GRIK3: variants seen among roughly 807,000 people sequenced by gnomAD.
The protein encoded by GRIK3 is glutamate receptor ionotropic, kainate 3.
A neutral mutation model predicts 102.5 loss-of-function variants in GRIK3; 29 were observed. That is an observed-to-expected ratio of 0.28 (90% CI 0.21 to 0.39). GRIK3 has a LOEUF of 0.39. GRIK3 is among the 10% of genes least tolerant of loss of function. The pLI, the probability that GRIK3 is intolerant of heterozygous loss-of-function variation, is 1.00. For missense variants in GRIK3, 908 were observed against 1,252.4 expected, an observed-to-expected ratio of 0.73 and a Z score of 4.15; for synonymous variants, 511 against 504.9, an observed-to-expected ratio of 1.01 and a Z score of -0.16.
intron 1 of GRIK3, among the ~76,000 whole-genome samples, chr1:37,020,067 C>T (rs1642693686): frequency 6.6e-6 from 1 of 152,230 alleles, no homozygotes; most frequent in Non-Finnish European, 1.5e-5. Context: ...TAACACTCTT[C>T]ACCTTCTCTG....
chr1:36,990,298 ATC>A (rs1243933922), intron 1 of GRIK3, among the ~76,000 whole-genome samples: 1 of 152,178 alleles, frequency 6.6e-6, no homozygotes, highest in Non-Finnish European at 1.5e-5. Flanking sequence ...ATCCTGCTGT[ATC>A]CGCTGAGCTA....
chr1:36,972,628 G>C (rs1464631470), intron 1 of GRIK3, among the ~76,000 whole-genome samples: 1 of 152,156 alleles, frequency 6.6e-6, no homozygotes, highest in East Asian at 1.9e-4. Flanking sequence ...AGTGTAGGGC[G>C]CTAGGAAAGA....
Position 36,850,819 on chromosome 1 carries a change from G to A in GRIK3, c.1213-395C>T, listed in dbSNP as rs895598752. ...GTGCCAGGTCTTGCCCTGGGACACA[G>A]TCTTTGTGGCTGTTTTGGGGTGGCA... On this transcript the variant is annotated intron_variant, in intron 8 of 15. Transcript: ENST00000373091. This position sits in a 1 kb window ranked among gnomAD's most constrained non-coding sequence, Gnocchi z 4.0. Among the ~76,000 whole-genome samples, 8 of 152,232 alleles carry A rather than the reference G, an allele frequency of 5.3e-5. No homozygotes were observed. Among genetic ancestry groups the A allele is most frequent in the Non-Finnish European group, 1.0e-4 (7 of 68,046 alleles).
At chr1:36,987,210 C>T (rs1321920128) in intron 1 of GRIK3, among the ~76,000 whole-genome samples, 1 of 151,112 alleles carries the variant, frequency 6.6e-6, no homozygotes, top group East Asian at 1.9e-4. Flanking sequence ...CACTGAGGTT[C>T]GATTCCATGT....
At position 36,806,233 on chromosome 1, in the gene GRIK3, C is replaced by A; in HGVS notation, c.2185G>T (p.Ala729Ser). 6.2e-7 allele frequency: 1 copy of A among 1,614,050 alleles called. No homozygotes were observed. The highest frequency in any genetic ancestry group is 8.5e-7 in the Non-Finnish European group (1 of 1,179,884). The change falls in exon 14 of 16, where the codon GCC becomes TCC. Residue 729 changes from alanine to serine, a missense_variant. Ala to Ser is a moderately conservative substitution (Grantham distance 99, BLOSUM62 1). Transcript: ENST00000373091. The surrounding 1 kb of genome is among the most constrained non-coding windows in gnomAD (Gnocchi z 4.0). ...VKNNEEGIQR[A>S]LTADYALLME... ...AGCAGCGCGTAGTCGGCCGTCAGGG[C>A]CCTCTGGATGCCCTCCTCGTTGTTC...
intron 2 of GRIK3, among the ~76,000 whole-genome samples, chr1:36,889,254 T>C (rs183119678): frequency 8.6e-5 from 13 of 151,172 alleles, no homozygotes; most frequent in Non-Finnish European, 1.9e-4. Context: ...GAAGGATGAG[T>C]TGGCCAGGCA....
chr1:36,908,830 G>A (rs1318747466), intron 1 of GRIK3, among the ~76,000 whole-genome samples: 1 of 151,746 alleles, frequency 6.6e-6, no homozygotes, highest in African/African-American at 2.4e-5. Flanking sequence ...TGTAAGATGA[G>A]TCCCAGAAGA....
intron 1 of GRIK3, among the ~76,000 whole-genome samples, chr1:36,899,665 A>C (rs1333164480): frequency 6.6e-6 from 1 of 152,192 alleles, no homozygotes; most frequent in Non-Finnish European, 1.5e-5. Flanking sequence ...ACACTTAAAA[A>C]TGGTTAAGAT....
rs749858078 is a variant in GRIK3, at chr1:36,804,974, C to T, written c.2565+13G>A. 2 of 1,613,932 alleles carry T rather than the reference C, an allele frequency of 1.2e-6. No homozygotes were observed. The highest frequency in any genetic ancestry group is 1.1e-5 in the South Asian group (1 of 91,042). Reference sequence around the variant, plus strand: ...TTTCCCATCCTGTGCAGGCTCCAAGCTCTAAGGCTTACCTGCTCTCTCTCT... The same window carrying T: ...TTTCCCATCCTGTGCAGGCTCCAAGTTCTAAGGCTTACCTGCTCTCTCTCT... On this transcript the variant is annotated intron_variant, in intron 15 of 15. Coordinates refer to ENST00000373091, the MANE Select transcript of GRIK3 (RefSeq NM_000831.4).
At chr1:36,928,457 G>A (rs576694548) in intron 1 of GRIK3, among the ~76,000 whole-genome samples, 11 of 152,332 alleles carry the variant, frequency 7.2e-5, no homozygotes, top group South Asian at 6.2e-4. Context: ...AATGGCAAGT[G>A]TTTGGGGTGG....
intron 1 of GRIK3, among the ~76,000 whole-genome samples, chr1:36,996,217 T>C (rs1171717606): frequency 1.3e-5 from 2 of 152,266 alleles, no homozygotes; most frequent in African/African-American, 2.4e-5. Context: ...ATGGCCTGTG[T>C]TGCCGCAGGC....
intron 1 of GRIK3, among the ~76,000 whole-genome samples, chr1:36,930,142 A>G (rs890642649): frequency 6.6e-6 from 1 of 152,212 alleles, no homozygotes; most frequent in Non-Finnish European, 1.5e-5. Flanking sequence ...GTCACACAGG[A>G]TGACCCTAAT....
At chr1:36,886,191 G>T (rs1480687437) in intron 2 of GRIK3, among the ~76,000 whole-genome samples, 1 of 152,054 alleles carries the variant, frequency 6.6e-6, no homozygotes, top group African/African-American at 2.4e-5. Context: ...ACAGGGAAAG[G>T]CCCCCGGCCT....
intron 13 of GRIK3, among the ~76,000 whole-genome samples, chr1:36,811,785 C>T (rs1469651296): frequency 1.3e-5 from 2 of 152,318 alleles, no homozygotes; most frequent in African/African-American, 2.4e-5. Flanking sequence ...TCCTGTATGC[C>T]TGGCTCTGGG....
Position 36,812,066 on chromosome 1 carries a change from G to A in GRIK3, c.2091+4994C>T, listed in dbSNP as rs138400630. Among the ~76,000 whole-genome samples the A allele has an allele frequency of 2.4e-3, 359 of 152,180 alleles. 1 individual carries two copies. The highest frequency in any genetic ancestry group is 8.2e-3 in the African/African-American group (340 of 41,516). On this transcript the variant is annotated intron_variant, in intron 13 of 15. Coordinates refer to ENST00000373091, the MANE Select transcript of GRIK3 (RefSeq NM_000831.4). ...CCTACCTGCTTCTGCTTGAAGGCAG[G>A]GCTAAGACTGTATGTGAGAGAGGCC...
chr1:37,005,546 C>T lies in GRIK3; in HGVS notation c.115+28448G>A, dbSNP rs1642522064. Among the ~76,000 whole-genome samples the T allele has an allele frequency of 3.9e-5, 6 of 152,178 alleles. No homozygotes were observed. The South Asian group carries it at 1.2e-3, about 32-fold the overall frequency. ...GTGCTGGAGTTAGCAGGAGGGATCG[C>T]CAGGGGCTGGGCCAGCCAGGGGGAA... On this transcript the variant is annotated intron_variant, in intron 1 of 15. Coordinates refer to ENST00000373091, the MANE Select transcript of GRIK3 (RefSeq NM_000831.4).
intron 1 of GRIK3, among the ~76,000 whole-genome samples, chr1:36,984,571 C>T (rs569967558): frequency 3.9e-5 from 6 of 152,302 alleles, no homozygotes; most frequent in East Asian, 1.9e-4. Context: ...GTGTGGACAG[C>T]GAGGTGTCTT....
At position 36,796,902 on chromosome 1, in the gene GRIK3, G is replaced by C. The variant is rs1330369967; in HGVS notation, c.*4949C>G. On this transcript the variant is annotated 3_prime_UTR_variant, in exon 16 of 16. Transcript: ENST00000373091. ...CTCCTGATGAATTGCCCCAGAACTA[G>C]AATGTAATATTGGCACAGGGGCTGA... is the stretch of plus-strand genomic sequence containing the variant. The C allele has an allele frequency of 6.6e-6, 1 of 152,190 alleles. No individual in the cohort carries two copies. The highest frequency in any genetic ancestry group is 1.9e-4 in the East Asian group (1 of 5,188). 9.4% of individuals were successfully genotyped at this position (152,190 alleles called of 1,614,324 possible).
chr1:36,905,505 A>G (rs1447121561), intron 1 of GRIK3, among the ~76,000 whole-genome samples: 3 of 152,016 alleles, frequency 2.0e-5, no homozygotes, highest in Non-Finnish European at 2.9e-5. Flanking sequence ...GAAAAAAAAA[A>G]CAAAGCTTTA....
Sources: allele counts gnomAD v4.1 joint callset (sites outside exome capture counted in the v4.1 genomes callset), GRCh38; gene constraint gnomAD v4.1.1; non-coding constraint Gnocchi (gnomAD v3.1); transcripts MANE v1.5; gene names NCBI Gene and HGNC (gene_info 2026-07-23, HGNC 2026-07-21).